Variants in SOX5 observed in about 807,000 individuals in gnomAD.
SOX5 encodes the protein transcription factor SOX-5.
In SOX5, 9 loss-of-function variants were observed where a neutral mutation model predicts 92.0. That is an observed-to-expected ratio of 0.10 (90% CI 0.06 to 0.17). The LOEUF (loss-of-function observed/expected upper bound fraction) is 0.17. Ranked by LOEUF, SOX5 falls within the 10% of genes least tolerant of loss-of-function variation. The pLI is 1.00. For missense variants in SOX5, 642 were observed against 944.5 expected, an observed-to-expected ratio of 0.68 and a Z score of 4.20; for synonymous variants, 344 against 336.3, an observed-to-expected ratio of 1.02 and a Z score of -0.25.
intron 4 of SOX5, among the ~76,000 whole-genome samples, chr12:24,058,787 T>C (rs1284251397): frequency 1.4e-5 from 2 of 141,060 alleles, no homozygotes; most frequent in Non-Finnish European, 3.2e-5. Context: ...ATAAGCCTGT[T>C]AGTAAGTATA....
At chr12:23,669,367 A>G (rs933495061) in intron 6 of SOX5, among the ~76,000 whole-genome samples, 1 of 152,080 alleles carries the variant, frequency 6.6e-6, no homozygotes, top group African/African-American at 2.4e-5. Context: ...AGAAAAAAAC[A>G]TCATGTGAGG....
intron 4 of SOX5, among the ~76,000 whole-genome samples, chr12:24,206,060 T>G (rs1362170291): frequency 6.6e-6 from 1 of 152,182 alleles, no homozygotes; most frequent in Non-Finnish European, 1.5e-5. Flanking sequence ...GTAAAACACA[T>G]GCACATGATA....
intron 1 of SOX5, among the ~76,000 whole-genome samples, chr12:24,525,349 G>C (rs1383698788): frequency 6.6e-6 from 1 of 152,186 alleles, no homozygotes; most frequent in Non-Finnish European, 1.5e-5. Flanking sequence ...CCTAGAATCA[G>C]AGTGGAATGG....
intron 1 of SOX5, among the ~76,000 whole-genome samples, chr12:24,485,489 G>T (rs183544556): frequency 6.6e-6 from 1 of 152,150 alleles, no homozygotes; most frequent in Admixed American, 6.5e-5. Context: ...GACCAGAAAG[G>T]CTCCAATTCG....
intron 2 of SOX5, among the ~76,000 whole-genome samples, chr12:24,283,041 T>G (rs1351337600): frequency 6.6e-6 from 1 of 152,250 alleles, no homozygotes; most frequent in African/African-American, 2.4e-5. Flanking sequence ...TGTATGTTAG[T>G]ACAGATGTAC....
chr12:24,101,325 C>A (rs1946069219), intron 4 of SOX5, among the ~76,000 whole-genome samples: 1 of 152,120 alleles, frequency 6.6e-6, no homozygotes, highest in South Asian at 2.1e-4. Flanking sequence ...GTTTTTCCTT[C>A]CCCAGGAAAA....
intron 1 of SOX5, among the ~76,000 whole-genome samples, chr12:24,449,365 T>A (rs191461700): frequency 1.3e-5 from 2 of 152,334 alleles, no homozygotes; most frequent in East Asian, 1.9e-4. Context: ...AGTTTGTTTC[T>A]CCCTTGAGGA....
At chr12:24,088,318 G>A (rs1944251518) in intron 4 of SOX5, among the ~76,000 whole-genome samples, 1 of 151,912 alleles carries the variant, frequency 6.6e-6, no homozygotes, top group Non-Finnish European at 1.5e-5. Flanking sequence ...AGCTGTCTTA[G>A]AATTGTCTAT....
At chr12:24,503,084 C>G (rs1001189757) in intron 1 of SOX5, among the ~76,000 whole-genome samples, 1 of 152,172 alleles carries the variant, frequency 6.6e-6, no homozygotes. Flanking sequence ...AGTAGGAAAG[C>G]TAGTGAAATT....
At chr12:24,042,143 G>A (rs1343307443) in intron 4 of SOX5, among the ~76,000 whole-genome samples, 1 of 151,988 alleles carries the variant, frequency 6.6e-6, no homozygotes. Flanking sequence ...AAAAGTTAGT[G>A]CAGACCTGAA....
chr12:24,165,809 T>C (rs1249452755), intron 4 of SOX5, among the ~76,000 whole-genome samples: 1 of 152,112 alleles, frequency 6.6e-6, no homozygotes, highest in African/African-American at 2.4e-5. Context: ...TAGTAGTTAT[T>C]AGTTTAACAA....
intron 1 of SOX5, among the ~76,000 whole-genome samples, chr12:23,932,477 C>T (rs1941660923): frequency 6.6e-6 from 1 of 151,514 alleles, no homozygotes; most frequent in Non-Finnish European, 1.5e-5. Context: ...TTAATGTTAA[C>T]TTTCTTGGAT....
intron 1 of SOX5, among the ~76,000 whole-genome samples, chr12:24,519,140 C>A (rs1319331838): frequency 6.6e-6 from 1 of 152,040 alleles, no homozygotes; most frequent in Non-Finnish European, 1.5e-5. Context: ...CTCATTAAAT[C>A]ATTGTACAAT....
At chr12:23,824,540 G>T (rs12581539) in intron 3 of SOX5, among the ~76,000 whole-genome samples, 23,215 of 152,166 alleles carry the variant, frequency 0.15, 2,101 homozygotes, top group African/African-American at 0.25. Context: ...TGTATGAGGT[G>T]TCTGTTGACC....
chr12:23,911,676 G>T (rs2097353191), intron 1 of SOX5, among the ~76,000 whole-genome samples: 1 of 152,050 alleles, frequency 6.6e-6, no homozygotes, highest in South Asian at 2.1e-4. Context: ...ATAGGTTCTA[G>T]TACATATTCA....
chr12:23,843,980 T>G (rs915386613), intron 3 of SOX5, among the ~76,000 whole-genome samples: 3 of 152,222 alleles, frequency 2.0e-5, no homozygotes, highest in South Asian at 4.1e-4. Flanking sequence ...AGACTTATGA[T>G]AGGGTTATGT....
intron 7 of SOX5, among the ~76,000 whole-genome samples, chr12:23,650,089 C>T (rs1592942400): frequency 6.6e-6 from 1 of 151,956 alleles, no homozygotes; most frequent in East Asian, 1.9e-4. Context: ...GAAAATCAAC[C>T]CCTCTCTGAC....
chr12:24,335,972 C>CATATATATATATATATATATATATATAT (rs57461232), intron 2 of SOX5, among the ~76,000 whole-genome samples: 3,861 of 57,610 alleles, frequency 0.067, 720 homozygotes, highest in Non-Finnish European at 0.075. Context: ...GAAATGCTAT[C>CATATATATATATATATATATATATATAT]ATATATATAT....
At chr12:24,277,557 T>G (rs1452965092) in intron 2 of SOX5, among the ~76,000 whole-genome samples, 4 of 147,458 alleles carry the variant, frequency 2.7e-5, no homozygotes, top group Admixed American at 1.4e-4. Flanking sequence ...AAATTTATAT[T>G]TATATATTAA....
Sources: gnomAD v4.1 joint callset for allele counts (sites outside exome capture counted in the v4.1 genomes callset) on GRCh38, gnomAD v4.1.1 for gene constraint, MANE v1.5 for transcripts, NCBI Gene and HGNC (gene_info 2026-07-23, HGNC 2026-07-21) for gene names.